HELZ: variants seen among roughly 807,000 people sequenced by gnomAD.
HELZ encodes ATP-dependent RNA helicase with zinc finger domain.
HELZ carries 23 observed loss-of-function variants against 218.2 expected under a neutral mutation model. The observed-to-expected ratio is 0.11, with a 90% CI of 0.08 to 0.15. The LOEUF (loss-of-function observed/expected upper bound fraction) is 0.15, where lower values mean the gene tolerates loss of function less well. HELZ is among the 10% of genes least tolerant of loss of function. The pLI, the probability that HELZ is intolerant of heterozygous loss-of-function variation, is 1.00. For missense variants in HELZ, 1,813 were observed against 2,353.7 expected (o/e 0.77, Z 4.75); for synonymous variants, 814 against 829.4 (o/e 0.98, Z 0.32).
intron 31 of HELZ, among the ~76,000 whole-genome samples, chr17:67,090,464 A>C (rs992837745): frequency 6.6e-6 from 1 of 152,104 alleles, no homozygotes; most frequent in African/African-American, 2.4e-5. Context: ...AGATTGTGTA[A>C]GTTGGTGGTT....
intron 24 of HELZ, among the ~76,000 whole-genome samples, chr17:67,125,218 AC>A (rs11317706): frequency 0.075 from 10,651 of 141,684 alleles, 1,503 homozygotes; most frequent in African/African-American, 0.27. Context: ...TCAGAAAAAG[AC>A]CCCCTAAAAA....
At chr17:67,239,085 A>G (rs2041258306) in intron 3 of HELZ, among the ~76,000 whole-genome samples, 1 of 152,240 alleles carries the variant, frequency 6.6e-6, no homozygotes, top group Admixed American at 6.5e-5. Context: ...TCACTGGAGC[A>G]CAAAGTAATC....
chr17:67,195,393 G>C (rs1455139471), intron 8 of HELZ, 26 bp downstream of exon 8: 1 of 1,467,296 alleles, frequency 6.8e-7, no homozygotes, highest in East Asian at 2.3e-5. Context: ...ACAGCTACCA[G>C]AAGTTACACA....
chr17:67,120,163 C>T, intron 27 of HELZ: 2 of 408,958 alleles, frequency 4.9e-6, no homozygotes, highest in South Asian at 2.2e-5. Context: ...GCCACCATGC[C>T]CGGCTAATTT....
intron 4 of HELZ, among the ~76,000 whole-genome samples, chr17:67,217,799 T>G (rs137908325): frequency 2.6e-4 from 40 of 152,286 alleles, no homozygotes; most frequent in African/African-American, 9.6e-4. Context: ...TTGACCACTC[T>G]ATTTAAAATT....
At chr17:67,245,497 G>A (rs924211357), upstream of HELZ, 10 of 985,738 alleles carry the variant, frequency 1.0e-5, no homozygotes, top group Non-Finnish European at 1.2e-5. Flanking sequence ...CAGACGCCCC[G>A]CGTCTGCATT....
intron 20 of HELZ, among the ~76,000 whole-genome samples, chr17:67,147,597 C>CCT (rs1373951039): frequency 1.3e-5 from 2 of 152,046 alleles, no homozygotes; most frequent in African/African-American, 4.8e-5. Context: ...CCCACCTCAG[C>CCT]CTCTCAAGTA....
intron 31 of HELZ, among the ~76,000 whole-genome samples, chr17:67,100,191 A>G (rs1029910690): frequency 2.0e-5 from 3 of 152,252 alleles, no homozygotes; most frequent in African/African-American, 4.8e-5. Context: ...CGATGATTAG[A>G]CAACAGTATG....
intron 6 of HELZ, 81 bp downstream of exon 6, chr17:67,203,238 C>CT (rs1307045663): frequency 3.0e-5 from 42 of 1,415,196 alleles, no homozygotes; most frequent in South Asian, 7.0e-5. Context: ...AAAAGATACA[C>CT]TTTTTTTTCC....
chr17:67,208,016 C>T (rs185670562), intron 5 of HELZ, among the ~76,000 whole-genome samples: 39 of 152,214 alleles, frequency 2.6e-4, no homozygotes, highest in Non-Finnish European at 4.3e-4. Flanking sequence ...AAACAAAAAA[C>T]AGCATGGATG....
Position 67,123,997 on chromosome 17 carries a change from A to G in HELZ, c.3405T>C (p.His1135=), listed in dbSNP as rs763234531. 1 of 1,605,608 alleles carries G rather than the reference A, an allele frequency of 6.2e-7. No homozygotes were observed. The highest frequency in any genetic ancestry group is 8.5e-7 in the Non-Finnish European group (1 of 1,173,120). Residue 1135 remains histidine, a synonymous_variant, in exon 25 of 33, where the codon CAT becomes CAC. Transcript: ENST00000358691. ...QSPPKGKSLH[H]TQNDHFQNDG... Reference sequence around the variant, plus strand: ...CATTCTGGAAGTGATCATTCTGGGTATGATGAAGACTTTTCCCCTTTAAAG... The same window carrying G: ...CATTCTGGAAGTGATCATTCTGGGTGTGATGAAGACTTTTCCCCTTTAAAG...
intron 13 of HELZ, among the ~76,000 whole-genome samples, chr17:67,170,845 C>T (rs1170222095): frequency 2.0e-5 from 3 of 149,910 alleles, no homozygotes; most frequent in African/African-American, 7.3e-5. Context: ...AAAAAAAGAG[C>T]AGGAACCCTT....
chr17:67,127,170 A>G (rs993808942), intron 24 of HELZ, among the ~76,000 whole-genome samples: 1 of 152,200 alleles, frequency 6.6e-6, no homozygotes, highest in Non-Finnish European at 1.5e-5. Context: ...TCTCCTTGGT[A>G]GAAATTGCCT....
At chr17:67,171,797 T>G (rs1191191415) in intron 13 of HELZ, among the ~76,000 whole-genome samples, 1 of 151,988 alleles carries the variant, frequency 6.6e-6, no homozygotes, top group Non-Finnish European at 1.5e-5. Context: ...CCTGTTTCCT[T>G]TAACCAAATA....
At chr17:67,159,267 GCTT>G (rs2038930503) in intron 17 of HELZ, among the ~76,000 whole-genome samples, 1 of 151,774 alleles carries the variant, frequency 6.6e-6, no homozygotes. Flanking sequence ...AATAATTACT[GCTT>G]CTTAATCTTC....
At chr17:67,241,747 T>C (rs1465945492) in intron 2 of HELZ, among the ~76,000 whole-genome samples, 1 of 152,192 alleles carries the variant, frequency 6.6e-6, no homozygotes, top group Non-Finnish European at 1.5e-5. Context: ...AACTACAGCC[T>C]TACCTAAAAA....
chr17:67,175,054 C>T (rs965874804), intron 13 of HELZ, among the ~76,000 whole-genome samples: 2 of 152,128 alleles, frequency 1.3e-5, no homozygotes, highest in African/African-American at 4.8e-5. Context: ...CAAACCACAA[C>T]AAAACATTCT....
chr17:67,194,966 T>A (rs1376548401), intron 8 of HELZ, among the ~76,000 whole-genome samples: 1 of 152,212 alleles, frequency 6.6e-6, no homozygotes, highest in Non-Finnish European at 1.5e-5. Flanking sequence ...GTACACAGCA[T>A]TCAGCAGGCA....
chr17:67,128,622 C>A (rs766069676), intron 24 of HELZ, 29 bp downstream of exon 24: 1 of 1,595,682 alleles, frequency 6.3e-7, no homozygotes, highest in South Asian at 1.1e-5. Flanking sequence ...TCCCTTTAAC[C>A]TCTTCAATTT....
Sources: allele counts gnomAD v4.1 joint callset (sites outside exome capture counted in the v4.1 genomes callset), GRCh38; gene constraint gnomAD v4.1.1; transcripts MANE v1.5; gene names NCBI Gene and HGNC (gene_info 2026-07-23, HGNC 2026-07-21).